Variants in NPIPA8 observed in about 807,000 individuals in gnomAD.
The protein encoded by NPIPA8 is nuclear pore complex interacting protein family member A8.
Under a neutral mutation model 7.1 loss-of-function variants are expected in NPIPA8, and 1 was observed. That is an observed-to-expected ratio of 0.14 (90% CI 0.05 to 0.66). The LOEUF is 0.66. NPIPA8 is among the 30% of genes least tolerant of loss of function. NPIPA8 has a pLI of 0.84.
chr16:18,324,800 TCA>T (rs529158643), intron 2 of NPIPA8, among the ~76,000 whole-genome samples: 2,760 of 57,602 alleles, frequency 0.048, 195 homozygotes, highest in South Asian at 0.067. Context: ...TGAGACTCTG[TCA>T]CACACACACA....
intron 4 of NPIPA8, among the ~76,000 whole-genome samples, chr16:18,323,819 G>GAAAAA (rs1162097124): frequency 1.5e-4 from 5 of 33,170 alleles, no homozygotes; most frequent in African/African-American, 3.8e-4. Flanking sequence ...CCCATCTCAG[G>GAAAAA]AAAAAAAAAA....
Position 18,325,165 on chromosome 16 carries a change from T to G in NPIPA8, c.193-667A>C, listed in dbSNP as rs1320868052. Reference sequence around the variant, plus strand: ...AAAAAAAAAAAAATAGGCCAGGTGCTGTAGCTCACGCCTGTAATCCCAGCA... The same window carrying G: ...AAAAAAAAAAAAATAGGCCAGGTGCGGTAGCTCACGCCTGTAATCCCAGCA... On this transcript the variant is annotated intron_variant, in intron 2 of 7. Transcript: ENST00000541810. Among the ~76,000 whole-genome samples, 202 of 78,008 alleles carry G rather than the reference T, an allele frequency of 2.6e-3. 12 individuals are homozygous for G. Among genetic ancestry groups the G allele is most frequent in the African/African-American group, 9.6e-3 (178 of 18,536 alleles). The allele number at this position is 78,008 out of a possible 152,430, so 51.2% of individuals were successfully genotyped here.
chr16:18,323,819 GAAAAAAAAAAAA>G (rs1162097124), intron 4 of NPIPA8, among the ~76,000 whole-genome samples: 1,284 of 32,524 alleles, frequency 0.039, 11 homozygotes, highest in Non-Finnish European at 0.069. Flanking sequence ...CCCATCTCAG[GAAAAAAAAAAAA>G]AAAAAAAAAA....
upstream of NPIPA8, among the ~76,000 whole-genome samples, chr16:18,336,188 C>G (rs1900177457): frequency 8.6e-6 from 1 of 116,628 alleles, no homozygotes. Context: ...CTCCTGGACT[C>G]AGATCCGCCC....
rs1900101122 is a variant in NPIPA8 at position 18,325,030 on chromosome 16, A to G, written c.193-532T>C. 4.5e-5 allele frequency among the ~76,000 whole-genome samples: 3 copies of G among 66,036 alleles called. No individual in the cohort carries two copies. In the South Asian group the frequency reaches 1.5e-3, roughly 33 times the overall value. The allele number at this position is 66,036 out of a possible 152,430, so 43.3% of individuals were successfully genotyped here. A position where few individuals can be genotyped will look rare whatever the true frequency, so the allele number is the denominator to read the frequency against. ...ATGCCTGTAATCCCAGCTAGTCGCGAGGCTGAGGCAGGAGAATCACTTGAA... is the reference window on the plus strand; with the variant it reads ...ATGCCTGTAATCCCAGCTAGTCGCGGGGCTGAGGCAGGAGAATCACTTGAA... On this transcript the variant is annotated intron_variant, in intron 2 of 7. Coordinates refer to ENST00000541810, the Ensembl canonical transcript of NPIPA8.
upstream of NPIPA8, among the ~76,000 whole-genome samples, chr16:18,336,017 T>A (rs1166729171): frequency 2.5e-4 from 38 of 151,694 alleles, no homozygotes; most frequent in Non-Finnish European, 5.4e-4. Context: ...AGACAGGGTT[T>A]CATTGTGTTG....
At chr16:18,323,819 GA>G (rs1162097124) in intron 4 of NPIPA8, among the ~76,000 whole-genome samples, 1,099 of 33,102 alleles carry the variant, frequency 0.033, 10 homozygotes, top group African/African-American at 0.059. Flanking sequence ...CCCATCTCAG[GA>G]AAAAAAAAAA....
At chr16:18,335,827 TTC>T (rs1271132818), upstream of NPIPA8, among the ~76,000 whole-genome samples, 2 of 136,056 alleles carry the variant, frequency 1.5e-5, no homozygotes, top group African/African-American at 3.0e-5. Flanking sequence ...GATTTTTTTT[TTC>T]TTTTTTTTGG....
chr16:18,324,553 TC>T, intron 2 of NPIPA8, 55 bp from the exon 5 acceptor site: 1 of 533,034 alleles, frequency 1.9e-6, no homozygotes, highest in Non-Finnish European at 3.0e-6. Context: ...ATGCGTATAA[TC>T]CCAGTACTTT....
upstream of NPIPA8, among the ~76,000 whole-genome samples, chr16:18,335,816 G>A (rs1900166022): frequency 1.5e-5 from 2 of 135,796 alleles, no homozygotes; most frequent in Admixed American, 1.4e-4. Context: ...TTTCTTTGTG[G>A]GATTTTTTTT....
chr16:18,335,503 G>A (rs1457873430), upstream of NPIPA8, among the ~76,000 whole-genome samples: 3 of 120,970 alleles, frequency 2.5e-5, no homozygotes, highest in Non-Finnish European at 5.3e-5. Context: ...CCCGGCCATC[G>A]TTCCATTTTA....
upstream of NPIPA8, among the ~76,000 whole-genome samples, chr16:18,335,800 C>T (rs540728936): frequency 8.0e-3 from 1,055 of 132,030 alleles, 1 homozygote; most frequent in African/African-American, 0.017. Flanking sequence ...GCTCTGAGCC[C>T]AAGCTTTTCT....
chr16:18,335,608 T>C (rs1296967056), upstream of NPIPA8, among the ~76,000 whole-genome samples: 4 of 106,768 alleles, frequency 3.7e-5, no homozygotes, highest in African/African-American at 1.8e-4. Flanking sequence ...GCCTTCTCTG[T>C]GTGCTGCTGG....
rs750129798 is a variant in NPIPA8, at chr16:18,323,847, A to AAAAG, written c.437+243_437+244insCTTT. On this transcript the variant is annotated intron_variant, in intron 4 of 7. Transcript: ENST00000541810. The stretch of plus-strand genomic sequence containing the variant: ...AAAAAAAAAAAAAAAAAAAAAAAAA[A>AAAAG]AGAGAAAGGAAAACCAATGCCAGTA... 1.3e-4 allele frequency among the ~76,000 whole-genome samples: 12 copies of AAAAG among 91,636 alleles called. 1 individual carries two copies. The highest frequency in any genetic ancestry group is 3.7e-4 in the South Asian group (1 of 2,668). The allele number at this position is 91,636 out of a possible 152,430, so 60.1% of individuals were successfully genotyped here. A position where few individuals can be genotyped will look rare whatever the true frequency, so the allele number is the denominator to read the frequency against.
At chr16:18,335,465 G>A (rs1900154778), upstream of NPIPA8, among the ~76,000 whole-genome samples, 1 of 119,936 alleles carries the variant, frequency 8.3e-6, no homozygotes, top group Non-Finnish European at 1.8e-5. Context: ...CTCCCAAAGT[G>A]CTGGGATTAC....
chr16:18,324,886 G>A (rs1203897595), intron 2 of NPIPA8, among the ~76,000 whole-genome samples: 1 of 89,704 alleles, frequency 1.1e-5, no homozygotes, highest in Non-Finnish European at 2.2e-5. Flanking sequence ...TGTAATCCCA[G>A]TACTTTGGGA....
chr16:18,335,491 C>T (rs1247235824), upstream of NPIPA8, among the ~76,000 whole-genome samples: 32 of 122,132 alleles, frequency 2.6e-4, 3 homozygotes, highest in African/African-American at 8.6e-4. Context: ...TGAGCCACCA[C>T]GCCCGGCCAT....
rs1433196489 is a variant in NPIPA8, at chr16:18,324,970, GC to G, written c.193-473del. 2.1e-3 allele frequency among the ~76,000 whole-genome samples: 166 copies of G among 78,236 alleles called. 33 individuals carry two copies. Among genetic ancestry groups the G allele is most frequent in the Non-Finnish European group, 3.2e-3 (133 of 41,352 alleles). 51.3% of individuals were successfully genotyped at this position (78,236 alleles called of 152,430 possible). Reference sequence around the variant, plus strand: ...ACCAACATGGAGAAACGCTGTCTCTGCTAAAAATTCAAAATTAGCCAGGCAT... The same window carrying G: ...ACCAACATGGAGAAACGCTGTCTCTGTAAAAATTCAAAATTAGCCAGGCAT... On this transcript the variant is annotated intron_variant, in intron 2 of 7. Coordinates refer to ENST00000541810, the Ensembl canonical transcript of NPIPA8.
At chr16:18,336,177 A>T (rs1596811836), upstream of NPIPA8, among the ~76,000 whole-genome samples, 1 of 85,810 alleles carries the variant, frequency 1.2e-5, no homozygotes, top group Non-Finnish European at 2.2e-5. Context: ...CTGGTCTCAA[A>T]CTCCTGGACT....
Sources: allele counts gnomAD v4.1 joint callset (sites outside exome capture counted in the v4.1 genomes callset), GRCh38; gene constraint gnomAD v4.1.1; transcripts MANE v1.5; gene names NCBI Gene and HGNC (gene_info 2026-07-23, HGNC 2026-07-21).